The following SEL1L3 variants were observed in gnomAD, a reference collection of about 807,000 sequenced individuals.
SEL1L3 encodes protein sel-1 homolog 3.
In SEL1L3, 76 loss-of-function variants were observed where a neutral mutation model predicts 142.8. The ratio of observed to expected loss-of-function variants is 0.53; its 90% CI spans 0.44 to 0.64. SEL1L3 has a LOEUF of 0.64. Among genes scored for constraint, SEL1L3 ranks in the 30% least tolerant of loss-of-function variants. The pLI is 0.00. For missense variants in SEL1L3, 1,262 were observed against 1,381.7 expected (o/e 0.91, Z 1.37); for synonymous variants, 504 against 519.6 (o/e 0.97, Z 0.41).
At chr4:25,803,962 T>C (rs1713374948) in intron 10 of SEL1L3, among the ~76,000 whole-genome samples, 1 of 152,172 alleles carries the variant, frequency 6.6e-6, no homozygotes, top group Non-Finnish European at 1.5e-5. Context: ...CATGAGCCAA[T>C]TCTTTGTAAG....
rs565636944 is a variant in SEL1L3 at position 25,812,815 on chromosome 4, C to T, written c.1564+5323G>A. Among the ~76,000 whole-genome samples the T allele has an allele frequency of 7.4e-3, 1,128 of 151,768 alleles. 8 individuals are homozygous for T. Among genetic ancestry groups the T allele is most frequent in the South Asian group, 0.017 (81 of 4,812 alleles). On this transcript the variant is annotated intron_variant, in intron 9 of 23. Transcript: ENST00000399878. The stretch of plus-strand genomic sequence containing the variant: ...ATCACTTAAGGTCAGGAGTTCAAGA[C>T]CAGCCTGGCCAACATGGCAAAACCC...
chr4:25,803,308 G>A (rs1392552154), intron 10 of SEL1L3, among the ~76,000 whole-genome samples: 12 of 152,242 alleles, frequency 7.9e-5, no homozygotes, highest in Admixed American at 7.2e-4. Context: ...TGTGGGGACT[G>A]CTTCCGGGAC....
In SEL1L3 at chr4:25,862,745, AC is replaced by A; in HGVS notation, c.91del (p.Val31SerfsTer24). On this transcript the variant is annotated frameshift_variant, in exon 1 of 24. Transcript: ENST00000399878. LOFTEE classifies it high-confidence loss of function. ...GCCCTGGGGGACGCCGCCACTCGGGACCATGGCTGCGGCCCGGGGGCCGACC... is the reference window on the plus strand; with the variant it reads ...GCCCTGGGGGACGCCGCCACTCGGGACATGGCTGCGGCCCGGGGGCCGACC... Reference protein sequence around the residue: ...LAVGPRAAAMVPSGGVPQGLG... With the variant: ...LAVGPRAAAMXPSGGVPQGLG... 8.1e-7 allele frequency: 1 copy of A among 1,240,636 alleles called. No homozygotes were observed. Among genetic ancestry groups the A allele is most frequent in the Non-Finnish European group, 1.0e-6 (1 of 993,034 alleles). 76.9% of individuals were successfully genotyped at this position (1,240,636 alleles called of 1,614,324 possible). A position where few individuals can be genotyped will look rare whatever the true frequency, so the allele number is the denominator to read the frequency against.
chr4:25,847,406 G>A lies in SEL1L3; in HGVS notation c.621C>T (p.Thr207=), dbSNP rs754731654. The A allele has an allele frequency of 3.7e-6, 6 of 1,613,836 alleles. No individual in the cohort carries two copies. Among genetic ancestry groups the A allele is most frequent in the African/African-American group, 2.7e-5 (2 of 74,920 alleles). ...AVAKNYTLLQ[T]IPPFERPFKD... ...TGAAAGGGCGTTCAAAAGGCGGGAT[G>A]GTCTGCAGGAGGGTATAATTCTTTG... The change falls in exon 2 of 24, where the codon ACC becomes ACT. Residue 207 remains threonine (T), a synonymous_variant. Transcript: ENST00000399878.
At chr4:25,853,012 A>C (rs1717006114) in intron 1 of SEL1L3, among the ~76,000 whole-genome samples, 2 of 152,342 alleles carry the variant, frequency 1.3e-5, no homozygotes, top group Non-Finnish European at 2.9e-5. Flanking sequence ...TTCTTCATTA[A>C]TTAATGCAGC....
At chr4:25,726,253 G>C in the SEL1L3 span, among the ~76,000 whole-genome samples, 3 of 151,846 alleles carry the variant, frequency 2.0e-5, no homozygotes, top group Admixed American at 2.0e-4. Flanking sequence ...AATTTGGCCT[G>C]GCACGATGGC....
intron 9 of SEL1L3, among the ~76,000 whole-genome samples, chr4:25,810,945 A>G (rs955693587): frequency 7.2e-5 from 11 of 152,238 alleles, no homozygotes; most frequent in African/African-American, 2.7e-4. Flanking sequence ...GTTATACATC[A>G]GAGAAGAAAA....
Position 25,825,282 on chromosome 4 carries a change from G to A in SEL1L3, c.1158-3154C>T, listed in dbSNP as rs148600045. On this transcript the variant is annotated intron_variant, in intron 6 of 23. Transcript: ENST00000399878. Reference sequence around the variant, plus strand: ...ATTGATGTCTTCATATTTTTCTCCCGCAAAATTCTCAGTGTCTGCACAAAG... The same window carrying A: ...ATTGATGTCTTCATATTTTTCTCCCACAAAATTCTCAGTGTCTGCACAAAG... Among the ~76,000 whole-genome samples, 1,515 of 152,098 alleles carry A rather than the reference G, an allele frequency of 1.0e-2. 27 individuals are homozygous for A. Among genetic ancestry groups the A allele is most frequent in the African/African-American group, 0.034 (1,418 of 41,478 alleles).
At chr4:25,858,144 C>T (rs1369758085) in intron 1 of SEL1L3, among the ~76,000 whole-genome samples, 1 of 152,228 alleles carries the variant, frequency 6.6e-6, no homozygotes, top group Non-Finnish European at 1.5e-5. Flanking sequence ...ATGTTTCCAG[C>T]GAATTGCCTG....
chr4:25,862,628 C>T, intron 1 of SEL1L3, 47 bp downstream of exon 1: 1 of 1,119,022 alleles, frequency 8.9e-7, no homozygotes, highest in Non-Finnish European at 1.1e-6. Flanking sequence ...CCCGCGTCCC[C>T]GGGGCCCCGC....
chr4:25,825,718 A>C (rs1402067396), intron 6 of SEL1L3, among the ~76,000 whole-genome samples: 2 of 118,400 alleles, frequency 1.7e-5, no homozygotes, highest in Non-Finnish European at 3.2e-5. Context: ...CTCTGTTGCC[A>C]GGCTGGAGTG....
At chr4:25,845,701 T>A (rs1716462031) in intron 2 of SEL1L3, among the ~76,000 whole-genome samples, 1 of 152,076 alleles carries the variant, frequency 6.6e-6, no homozygotes, top group African/African-American at 2.4e-5. Flanking sequence ...GACAAGAAAT[T>A]GATCACTAAA....
chr4:25,730,222 C>T, the SEL1L3 span, among the ~76,000 whole-genome samples: 5 of 152,246 alleles, frequency 3.3e-5, no homozygotes, highest in South Asian at 1.0e-3. Context: ...CCGAGCCCGG[C>T]TACTGAATGC....
At chr4:25,774,735 G>A (rs916277721) in intron 17 of SEL1L3, among the ~76,000 whole-genome samples, 5 of 152,160 alleles carry the variant, frequency 3.3e-5, no homozygotes, top group African/African-American at 1.2e-4. Flanking sequence ...GTGGGCACCT[G>A]TAATCCCAGC....
At chr4:25,845,936 G>T (rs1258945840) in intron 2 of SEL1L3, among the ~76,000 whole-genome samples, 1 of 152,168 alleles carries the variant, frequency 6.6e-6, no homozygotes, top group Admixed American at 6.5e-5. Context: ...CATTAGAGTC[G>T]TGAGGAAGGT....
At chr4:25,744,348 C>CTTT (rs35155388), downstream of SEL1L3, among the ~76,000 whole-genome samples, 21 of 101,440 alleles carry the variant, frequency 2.1e-4, no homozygotes, top group African/African-American at 2.4e-4. Flanking sequence ...ATGTGTGAGT[C>CTTT]TTTTTTTTTT....
At chr4:25,851,887 CAA>C (rs35600659) in intron 1 of SEL1L3, among the ~76,000 whole-genome samples, 7 of 59,566 alleles carry the variant, frequency 1.2e-4, no homozygotes, top group Admixed American at 1.9e-4. Context: ...GACTCTGTCT[CAA>C]AAAAAAAAAA....
chr4:25,734,603 C>T, the SEL1L3 span, among the ~76,000 whole-genome samples: 1 of 151,972 alleles, frequency 6.6e-6, no homozygotes, highest in Non-Finnish European at 1.5e-5. Flanking sequence ...CAGTCTCACT[C>T]TGTTTCCCAG....
chr4:25,736,314 C>T, the SEL1L3 span, among the ~76,000 whole-genome samples: 17 of 151,316 alleles, frequency 1.1e-4, no homozygotes, highest in African/African-American at 4.1e-4. Context: ...ACCTCCGCCT[C>T]CTGGTTTCAA....
Sources: allele counts gnomAD v4.1 joint callset (sites outside exome capture counted in the v4.1 genomes callset), GRCh38; gene constraint gnomAD v4.1.1; transcripts MANE v1.5; gene names NCBI Gene and HGNC (gene_info 2026-07-23, HGNC 2026-07-21).